The following MCTP2 variants were observed in gnomAD, a reference collection of about 807,000 sequenced individuals.
MCTP2 encodes the protein multiple C2 and transmembrane domain containing 2.
MCTP2 carries 132 observed loss-of-function variants against 111.6 expected under a neutral mutation model. The ratio of observed to expected loss-of-function variants is 1.18; its 90% CI spans 1.03 to 1.37. MCTP2 has a LOEUF of 1.37. Among genes scored for constraint, MCTP2 ranks in the 40% most tolerant of loss-of-function variants. MCTP2 has a pLI of 0.00. For synonymous variants in MCTP2, 395 were observed against 387.7 expected (o/e 1.02, Z -0.22); for missense variants, 1,183 against 1,067.9 (o/e 1.11, Z -1.50).
Position 94,367,686 on chromosome 15 carries a change from C to T in MCTP2, c.1383C>T (p.Leu461=). The change falls in exon 11 of 23, where the codon CTC becomes CTT. Residue 461 remains leucine, a synonymous_variant. Coordinates refer to ENST00000357742, the MANE Select transcript of MCTP2 (RefSeq NM_001385001.1). ...CACTGGACAGCTGTCTGGGGGCTCTCCTTATGTTGGTCACACTTACACCCT... is the reference window on the plus strand; with the variant it reads ...CACTGGACAGCTGTCTGGGGGCTCTTCTTATGTTGGTCACACTTACACCCT... ...ELPLDSCLGA[L]LMLVTLTPCA... is the part of the protein sequence containing the mutation. The T allele has an allele frequency of 6.2e-7, 1 of 1,612,220 alleles. No individual in the cohort carries two copies. The highest frequency in any genetic ancestry group is 8.5e-7 in the Non-Finnish European group (1 of 1,179,172).
chr15:94,247,798 C>G (rs1427458353), intron 1 of MCTP2, among the ~76,000 whole-genome samples: 3 of 152,254 alleles, frequency 2.0e-5, no homozygotes, highest in South Asian at 2.1e-4. Context: ...GGTTGATGAA[C>G]TCCACTAGTC....
At chr15:94,410,695 T>C (rs1473662679) in intron 17 of MCTP2, among the ~76,000 whole-genome samples, 2 of 152,246 alleles carry the variant, frequency 1.3e-5, no homozygotes, top group African/African-American at 4.8e-5. Context: ...AGGCCCAGTC[T>C]TTCATCTTTG....
chr15:94,247,789 G>A (rs2072124902), intron 1 of MCTP2, among the ~76,000 whole-genome samples: 1 of 152,134 alleles, frequency 6.6e-6, no homozygotes, highest in Admixed American at 6.6e-5. Flanking sequence ...AGCTCTTTAG[G>A]TTGATGAACT....
intron 17 of MCTP2, among the ~76,000 whole-genome samples, chr15:94,421,196 T>A (rs2082614457): frequency 6.6e-6 from 1 of 152,094 alleles, no homozygotes; most frequent in South Asian, 2.1e-4. Flanking sequence ...AACTTACCAT[T>A]GCATATGTTG....
chr15:94,393,197 T>C (rs980818649), intron 14 of MCTP2, among the ~76,000 whole-genome samples: 4 of 152,140 alleles, frequency 2.6e-5, no homozygotes, highest in African/African-American at 9.7e-5. Context: ...TTCGTGACTA[T>C]ACACAACAGG....
chr15:94,329,410 C>T (rs992592136), intron 4 of MCTP2, among the ~76,000 whole-genome samples: 3 of 152,176 alleles, frequency 2.0e-5, no homozygotes, highest in Admixed American at 1.3e-4. Context: ...GATAAAGAGC[C>T]GTCATTGACG....
At chr15:94,259,767 G>C (rs1422799639) in intron 1 of MCTP2, among the ~76,000 whole-genome samples, 1 of 152,162 alleles carries the variant, frequency 6.6e-6, no homozygotes, top group Non-Finnish European at 1.5e-5. Flanking sequence ...ATGATCATTT[G>C]GTGAAGGATA....
At chr15:94,475,709 A>G (rs1466220405) in intron 21 of MCTP2, among the ~76,000 whole-genome samples, 2 of 152,190 alleles carry the variant, frequency 1.3e-5, no homozygotes, top group East Asian at 3.9e-4. Flanking sequence ...ACGGGTTGAC[A>G]TTTGGTGAAA....
chr15:94,380,503 C>G (rs370388619), intron 12 of MCTP2, among the ~76,000 whole-genome samples: 1 of 152,154 alleles, frequency 6.6e-6, no homozygotes. Context: ...CATGGTGGCT[C>G]ATGCCTGTAA....
In MCTP2 at chr15:94,437,175, AAAAG is replaced by A. The variant is rs1265195983; in HGVS notation, c.2086-2999_2086-2996del. Among the ~76,000 whole-genome samples, 634 of 149,490 alleles carry A rather than the reference AAAAG, an allele frequency of 4.2e-3. 2 individuals are homozygous for A. Among genetic ancestry groups the A allele is most frequent in the African/African-American group, 0.015 (603 of 40,468 alleles). On this transcript the variant is annotated intron_variant, in intron 17 of 22. Transcript: ENST00000357742. ...ACATCCAAAAAAAAAAAAAAAAAAAAAAAGAGGTTTAGCACTAGGAGGAACGTAA... is the reference window on the plus strand; with the variant it reads ...ACATCCAAAAAAAAAAAAAAAAAAAAAGGTTTAGCACTAGGAGGAACGTAA...
intron 1 of MCTP2, among the ~76,000 whole-genome samples, chr15:94,249,141 G>A (rs376561616): frequency 1.3e-5 from 2 of 152,150 alleles, no homozygotes; most frequent in East Asian, 3.9e-4. Context: ...ATCTGGGATA[G>A]ATATCTGTCT....
At chr15:94,343,875 G>A (rs2077805959) in intron 7 of MCTP2, 1 of 152,184 alleles carries the variant, frequency 6.6e-6, no homozygotes, top group Non-Finnish European at 1.5e-5. Flanking sequence ...TGGTAGCATT[G>A]TAGGAAGTGA....
intron 4 of MCTP2, among the ~76,000 whole-genome samples, chr15:94,327,389 T>A (rs898790128): frequency 3.0e-4 from 46 of 152,386 alleles, no homozygotes; most frequent in Admixed American, 2.6e-3. Flanking sequence ...CAGCACATAT[T>A]GGAGCCTGCT....
Position 94,315,638 on chromosome 15 carries a change from G to GT in MCTP2, c.637+2dup, listed in dbSNP as rs750195259. On this transcript the variant is annotated splice_donor_variant, in intron 4 of 22. Coordinates refer to ENST00000357742, the MANE Select transcript of MCTP2 (RefSeq NM_001385001.1). LOFTEE classifies it high-confidence loss of function. Reference sequence around the variant, plus strand: ...AACCTGGTTGTCCGAGATCGCTGTGGTAAGACCTGGGTCTGTTATGGTGGG... The same window carrying GT: ...AACCTGGTTGTCCGAGATCGCTGTGGTTAAGACCTGGGTCTGTTATGGTGGG... 50 of 1,610,754 alleles carry GT rather than the reference G, an allele frequency of 3.1e-5. No homozygotes were observed. The East Asian group carries it at 1.0e-3, about 33-fold the overall frequency.
At chr15:94,475,752 A>G (rs1596868302) in intron 21 of MCTP2, among the ~76,000 whole-genome samples, 2 of 152,204 alleles carry the variant, frequency 1.3e-5, no homozygotes, top group African/African-American at 4.8e-5. Context: ...GATATAGTCA[A>G]AGCAGCTCCA....
chr15:94,456,035 A>C (rs2084816008), intron 19 of MCTP2, among the ~76,000 whole-genome samples: 1 of 152,194 alleles, frequency 6.6e-6, no homozygotes, highest in Non-Finnish European at 1.5e-5. Context: ...GTATTTGTGA[A>C]ATAAAAATGG....
At chr15:94,348,469 TTCTCTCTCC>T (rs2078119995) in intron 8 of MCTP2, among the ~76,000 whole-genome samples, 1 of 112 alleles carries the variant, frequency 8.9e-3, no homozygotes, top group Non-Finnish European at 0.017. Flanking sequence ...CTCCTCTCCT[TTCTCTCTCC>T]TCTCTCTCTG....
chr15:94,363,134 T>C (rs1379575592), intron 10 of MCTP2, among the ~76,000 whole-genome samples: 3 of 152,076 alleles, frequency 2.0e-5, no homozygotes, highest in Non-Finnish European at 4.4e-5. Flanking sequence ...TTTTTGACTT[T>C]GTGAGTTTTG....
intron 14 of MCTP2, among the ~76,000 whole-genome samples, chr15:94,396,740 G>A (rs2081303179): frequency 6.6e-6 from 1 of 151,852 alleles, no homozygotes; most frequent in South Asian, 2.1e-4. Flanking sequence ...ATTCCTTGTA[G>A]CAGACAAACT....
Sources: gnomAD v4.1 joint callset for allele counts (sites outside exome capture counted in the v4.1 genomes callset) on GRCh38, gnomAD v4.1.1 for gene constraint, MANE v1.5 for transcripts, NCBI Gene and HGNC (gene_info 2026-07-23, HGNC 2026-07-21) for gene names.